LPAR1: variants seen among roughly 807,000 people sequenced by gnomAD.
LPAR1 encodes LPA receptor 1.
LPAR1 carries 5 observed loss-of-function variants against 23.8 expected under a neutral mutation model. That is an observed-to-expected ratio of 0.21 (90% confidence interval 0.11 to 0.44). The LOEUF is 0.44. Ranked by LOEUF, LPAR1 falls within the 20% of genes least tolerant of loss-of-function variation. The pLI is 0.99. For synonymous variants in LPAR1, 160 were observed against 164.7 expected (o/e 0.97, Z 0.22); for missense variants, 311 against 482.8 (o/e 0.64, Z 3.33).
intron 4 of LPAR1, among the ~76,000 whole-genome samples, chr9:110,967,896 CA>C (rs1199989933): frequency 6.6e-6 from 1 of 152,174 alleles, no homozygotes; most frequent in Non-Finnish European, 1.5e-5. Flanking sequence ...TGCATCTCTC[CA>C]GAAGAAGCTA....
rs71494806 is a variant in LPAR1 at position 110,938,708 on chromosome 9, G to GA, written c.793+2712dup. Reference sequence around the variant, plus strand: ...ATCTCTACAAAAAAAAAAGAAAAAAGAAAAAAAAAAATCTGGGTAGCTGGG... The same window carrying GA: ...ATCTCTACAAAAAAAAAAGAAAAAAGAAAAAAAAAAAATCTGGGTAGCTGGG... On this transcript the variant is annotated intron_variant, in intron 5 of 5. Transcript: ENST00000683809. Among the ~76,000 whole-genome samples the GA allele has an allele frequency of 1.6e-4, 24 of 146,652 alleles. 1 individual carries two copies. The highest frequency in any genetic ancestry group is 1.5e-3 in the South Asian group (7 of 4,590).
At chr9:111,038,637 A>G (rs755090707), upstream of LPAR1, 88 of 455,046 alleles carry the variant, frequency 1.9e-4, 1 homozygote, top group South Asian at 1.3e-3. This position sits in a 1 kb window ranked among gnomAD's most constrained non-coding sequence, Gnocchi z 4.4. Context: ...CCCGCTCCCA[A>G]GCTGGACCCC....
chr9:111,018,736 T>TA (rs746313964), intron 2 of LPAR1, among the ~76,000 whole-genome samples: 5 of 152,240 alleles, frequency 3.3e-5, no homozygotes, highest in African/African-American at 4.8e-5. Flanking sequence ...AACTACCTTT[T>TA]AAAATCTACT....
At chr9:110,957,297 G>T (rs527306135) in intron 4 of LPAR1, among the ~76,000 whole-genome samples, 1 of 150,074 alleles carries the variant, frequency 6.7e-6, no homozygotes, top group African/African-American at 2.5e-5. Context: ...CTATGATTAT[G>T]CCATTGCACT....
At chr9:110,933,058 C>G (rs1326790496) in intron 5 of LPAR1, among the ~76,000 whole-genome samples, 2 of 152,178 alleles carry the variant, frequency 1.3e-5, no homozygotes, top group Non-Finnish European at 2.9e-5. Flanking sequence ...GTCAGCAGAT[C>G]AGAACTATTA....
At position 110,972,863 on chromosome 9, in the gene LPAR1, T is replaced by C. The variant is rs532620759; in HGVS notation, c.-104+618A>G. ...TCAGGAGGCTGAGGCAGGAGAATTG[T>C]TTGAACCTGGGAGGTAGAGGTTGCA... On this transcript the variant is annotated intron_variant, in intron 3 of 5. Coordinates refer to ENST00000683809, the MANE Select transcript of LPAR1 (RefSeq NM_001351411.2). 2.7e-4 allele frequency among the ~76,000 whole-genome samples: 41 copies of C among 151,882 alleles called. No individual in the cohort carries two copies. The South Asian group carries it at 7.8e-3, about 29-fold the overall frequency.
intron 5 of LPAR1, among the ~76,000 whole-genome samples, chr9:110,926,199 C>T (rs1385659309): frequency 6.6e-6 from 1 of 152,300 alleles, no homozygotes; most frequent in African/African-American, 2.4e-5. Flanking sequence ...GGATTACAGG[C>T]GTGAGCCACC....
At chr9:110,938,754 A>G (rs1350224480) in intron 5 of LPAR1, among the ~76,000 whole-genome samples, 1 of 152,074 alleles carries the variant, frequency 6.6e-6, no homozygotes, top group African/African-American at 2.4e-5. Flanking sequence ...TGCACCTGTA[A>G]TCTCAGCTAA....
At chr9:110,908,970 A>T (rs1238772755) in intron 5 of LPAR1, among the ~76,000 whole-genome samples, 1 of 152,144 alleles carries the variant, frequency 6.6e-6, no homozygotes, top group African/African-American at 2.4e-5. Flanking sequence ...ATTTTATCTG[A>T]GTTCCTTTCT....
intron 2 of LPAR1, among the ~76,000 whole-genome samples, chr9:111,026,501 G>A (rs1415243752): frequency 1.3e-5 from 2 of 152,104 alleles, no homozygotes; most frequent in Non-Finnish European, 2.9e-5. Context: ...CTCTCTTCCT[G>A]TATGAATATC....
intron 2 of LPAR1, among the ~76,000 whole-genome samples, chr9:110,993,564 A>T (rs2139788223): frequency 6.6e-6 from 1 of 152,250 alleles, no homozygotes; most frequent in South Asian, 2.1e-4. Context: ...TGAGGGGTCA[A>T]CCAGGAGAGA....
At chr9:110,926,961 A>G (rs1302419062) in intron 5 of LPAR1, among the ~76,000 whole-genome samples, 1 of 152,204 alleles carries the variant, frequency 6.6e-6, no homozygotes, top group Non-Finnish European at 1.5e-5. Context: ...CTGAATCCCA[A>G]CACAAAGATT....
chr9:110,952,729 C>A (rs10817119), intron 4 of LPAR1, among the ~76,000 whole-genome samples: 26,524 of 152,084 alleles, frequency 0.17, 3,111 homozygotes, highest in East Asian at 0.6. Context: ...AGTAGGACCA[C>A]AGCACAGCCA....
intron 4 of LPAR1, among the ~76,000 whole-genome samples, chr9:110,956,246 G>A (rs774892105): frequency 6.6e-6 from 1 of 151,540 alleles, no homozygotes; most frequent in East Asian, 1.9e-4. Flanking sequence ...GGGGGGTTGG[G>A]GGGCTAGGGG....
At chr9:110,933,194 C>A (rs567192028) in intron 5 of LPAR1, among the ~76,000 whole-genome samples, 32 of 152,156 alleles carry the variant, frequency 2.1e-4, no homozygotes. Context: ...GAGTATAATT[C>A]GAGCCAACAG....
At chr9:110,909,034 A>C (rs932893551) in intron 5 of LPAR1, among the ~76,000 whole-genome samples, 2 of 152,234 alleles carry the variant, frequency 1.3e-5, no homozygotes, top group African/African-American at 4.8e-5. Context: ...GAAACTCACC[A>C]GATCACTGTA....
At chr9:110,994,470 G>A (rs530701162) in intron 2 of LPAR1, among the ~76,000 whole-genome samples, 1 of 152,304 alleles carries the variant, frequency 6.6e-6, no homozygotes, top group South Asian at 2.1e-4. Flanking sequence ...ACTGATTTCA[G>A]TGGTTGCTTT....
chr9:110,930,919 A>G (rs977055221), intron 5 of LPAR1, among the ~76,000 whole-genome samples: 7 of 152,196 alleles, frequency 4.6e-5, no homozygotes, highest in Admixed American at 2.6e-4. Flanking sequence ...CCGTCACAAA[A>G]ACAAAAAAAA....
intron 5 of LPAR1, among the ~76,000 whole-genome samples, chr9:110,917,320 G>C (rs556548861): frequency 6.6e-6 from 1 of 152,196 alleles, no homozygotes; most frequent in South Asian, 2.1e-4. Flanking sequence ...TTGCACTCTA[G>C]CCTAGATGAC....
Sources: allele counts gnomAD v4.1 joint callset (sites outside exome capture counted in the v4.1 genomes callset), GRCh38; gene constraint gnomAD v4.1.1; non-coding constraint Gnocchi (gnomAD v3.1); transcripts MANE v1.5; gene names NCBI Gene and HGNC (gene_info 2026-07-23, HGNC 2026-07-21).